The following ADARB2 variants were observed in gnomAD, a reference collection of about 807,000 sequenced individuals.
ADARB2 encodes the protein inactive double-stranded RNA-specific editase B2.
A neutral mutation model predicts 62.2 loss-of-function variants in ADARB2; 25 were observed. That is an observed-to-expected ratio of 0.40 (90% CI 0.29 to 0.56). The LOEUF (loss-of-function observed/expected upper bound fraction) is 0.56. Ranked by LOEUF, ADARB2 falls within the 20% of genes least tolerant of loss-of-function variation. ADARB2 has a pLI of 0.43. For synonymous variants in ADARB2, 572 were observed against 500.8 expected, an observed-to-expected ratio of 1.14 and a Z score of -1.90; for missense variants, 1,071 against 1,077.4, an observed-to-expected ratio of 0.99 and a Z score of 0.08.
At chr10:1,359,533 C>G (rs1007650894) in intron 3 of ADARB2, among the ~76,000 whole-genome samples, 1 of 152,196 alleles carries the variant, frequency 6.6e-6, no homozygotes, top group African/African-American at 2.4e-5. Flanking sequence ...GGATGACACA[C>G]AAGTCTATCG....
chr10:1,359,351 C>T (rs6560726), intron 3 of ADARB2, among the ~76,000 whole-genome samples: 114,127 of 152,108 alleles, frequency 0.75, 43,073 homozygotes, highest in East Asian at 1. Context: ...AAATGCCTGC[C>T]TTTGTCACTC....
intron 3 of ADARB2, among the ~76,000 whole-genome samples, chr10:1,293,985 TG>T: frequency 6.6e-6 from 1 of 150,656 alleles, no homozygotes; most frequent in East Asian, 2.0e-4. Context: ...GGCGGGGGCA[TG>T]GGGGAGCTGT....
At chr10:1,192,917 T>G (rs931820217) in intron 8 of ADARB2, among the ~76,000 whole-genome samples, 4 of 152,252 alleles carry the variant, frequency 2.6e-5, no homozygotes, top group African/African-American at 9.6e-5. Context: ...CATTCCCGCC[T>G]GGGTGACAGA....
chr10:1,429,707 C>A (rs1042756752), intron 1 of ADARB2, among the ~76,000 whole-genome samples: 2 of 152,226 alleles, frequency 1.3e-5, no homozygotes, highest in Non-Finnish European at 2.9e-5. Context: ...CTGGGCTGGT[C>A]TGCACCATAC....
At chr10:1,489,334 CG>C (rs1396661696) in intron 1 of ADARB2, among the ~76,000 whole-genome samples, 1 of 147,572 alleles carries the variant, frequency 6.8e-6, no homozygotes, top group Non-Finnish European at 1.5e-5. Flanking sequence ...GCTTCTGCAC[CG>C]GATGCACCTG....
At chr10:1,240,914 G>T (rs1294989508) in intron 5 of ADARB2, among the ~76,000 whole-genome samples, 5 of 152,222 alleles carry the variant, frequency 3.3e-5, no homozygotes, top group Non-Finnish European at 5.9e-5. Flanking sequence ...CACCCCGCAG[G>T]CCTCAGGGAA....
chr10:1,551,700 C>A (rs1168978639), intron 1 of ADARB2, among the ~76,000 whole-genome samples: 1 of 152,230 alleles, frequency 6.6e-6, no homozygotes, highest in South Asian at 2.1e-4. Context: ...GGCGCCAGGG[C>A]CTGGGATTGG....
intron 7 of ADARB2, among the ~76,000 whole-genome samples, chr10:1,204,891 G>A (rs1305909678): frequency 1.3e-5 from 2 of 152,230 alleles, no homozygotes; most frequent in Non-Finnish European, 2.9e-5. Context: ...GTTCAAAGGT[G>A]GAAACAAACC....
chr10:1,463,210 G>A (rs1831201435), intron 1 of ADARB2, among the ~76,000 whole-genome samples: 1 of 152,186 alleles, frequency 6.6e-6, no homozygotes. Context: ...GGTGGTGTGT[G>A]GGGGCAGATG....
chr10:1,409,291 T>A (rs1832735137), intron 1 of ADARB2, among the ~76,000 whole-genome samples: 1 of 144,626 alleles, frequency 6.9e-6, no homozygotes, highest in African/African-American at 2.5e-5. Flanking sequence ...GGGCTCCCAC[T>A]TCGTCAGTGC....
chr10:1,613,748 G>A (rs1240915634), intron 1 of ADARB2, among the ~76,000 whole-genome samples: 4 of 152,164 alleles, frequency 2.6e-5, no homozygotes, highest in South Asian at 2.1e-4. Flanking sequence ...ATTAGAACAC[G>A]ATGCCTTTAT....
At chr10:1,325,929 T>G (rs1460013387) in intron 3 of ADARB2, among the ~76,000 whole-genome samples, 1 of 151,378 alleles carries the variant, frequency 6.6e-6, no homozygotes, top group Non-Finnish European at 1.5e-5. Context: ...TTTAAACTCC[T>G]AACGCCTCAG....
At chr10:1,217,836 G>A (rs1192793249) in intron 6 of ADARB2, among the ~76,000 whole-genome samples, 2 of 152,054 alleles carry the variant, frequency 1.3e-5, no homozygotes, top group African/African-American at 4.8e-5. Flanking sequence ...AATTACCAAG[G>A]GTCGCCATGG....
At chr10:1,391,365 T>C (rs1832569062) in intron 1 of ADARB2, among the ~76,000 whole-genome samples, 1 of 152,092 alleles carries the variant, frequency 6.6e-6, no homozygotes, top group African/African-American at 2.4e-5. Context: ...TGCCTGCCCA[T>C]CAGACACCTG....
chr10:1,425,194 G>A (rs1488240558), intron 1 of ADARB2, among the ~76,000 whole-genome samples: 3 of 152,130 alleles, frequency 2.0e-5, no homozygotes, highest in Admixed American at 2.0e-4. Flanking sequence ...TTGGACTACG[G>A]TTTCAGGAAC....
At chr10:1,536,268 G>A (rs902760400) in intron 1 of ADARB2, among the ~76,000 whole-genome samples, 1 of 152,212 alleles carries the variant, frequency 6.6e-6, no homozygotes, top group South Asian at 2.1e-4. Flanking sequence ...TCTGCCACAC[G>A]AGGACACAGA....
intron 1 of ADARB2, among the ~76,000 whole-genome samples, chr10:1,669,493 C>G (rs1404164374): frequency 1.3e-5 from 2 of 151,458 alleles, no homozygotes; most frequent in African/African-American, 4.9e-5. Flanking sequence ...CACACACTCA[C>G]AGGGAGACAC....
chr10:1,414,675 G>A (rs1016495607), intron 1 of ADARB2, among the ~76,000 whole-genome samples: 1 of 152,214 alleles, frequency 6.6e-6, no homozygotes, highest in Non-Finnish European at 1.5e-5. Flanking sequence ...CCCAGAGCTT[G>A]GGGCCTTTGC....
At chr10:1,474,990 C>T (rs1249081722) in intron 1 of ADARB2, among the ~76,000 whole-genome samples, 2 of 152,140 alleles carry the variant, frequency 1.3e-5, no homozygotes, top group African/African-American at 2.4e-5. Context: ...GAATCTATTG[C>T]ACAGTGGGTG....
Sources: allele counts gnomAD v4.1 joint callset (sites outside exome capture counted in the v4.1 genomes callset), GRCh38; gene constraint gnomAD v4.1.1; transcripts MANE v1.5; gene names NCBI Gene and HGNC (gene_info 2026-07-23, HGNC 2026-07-21).